The following MXRA7 variants were observed in gnomAD, a reference collection of about 807,000 sequenced individuals.
The protein encoded by MXRA7 is matrix-remodeling-associated protein 7.
MXRA7 carries 18 observed loss-of-function variants against 17.4 expected under a neutral mutation model. The observed-to-expected ratio is 1.03, with a 90% confidence interval of 0.71 to 1.53. The LOEUF (loss-of-function observed/expected upper bound fraction) is 1.53, where lower values mean the gene tolerates loss of function less well. Among genes scored for constraint, MXRA7 ranks in the 40% most tolerant of loss-of-function variants. The pLI is 0.00. For synonymous variants in MXRA7, 70 were observed against 101.7 expected (o/e 0.69, Z 1.87); for missense variants, 141 against 209.3 (o/e 0.67, Z 2.01).
intron 1 of MXRA7, chr17:76,709,775 G>C (rs903188844): frequency 6.6e-6 from 1 of 152,536 alleles, no homozygotes; most frequent in African/African-American, 2.4e-5. Context: ...GTAGGGGCTG[G>C]GATGAGTGGA....
downstream of MXRA7, chr17:76,675,425 T>G (rs1598327967): frequency 2.9e-5 from 4 of 138,068 alleles, no homozygotes; most frequent in Admixed American, 7.7e-5. Flanking sequence ...TGAGACAGAG[T>G]CTTGCTCTGT....
At chr17:76,704,728 T>C (rs771997486) in intron 1 of MXRA7, among the ~76,000 whole-genome samples, 1 of 139,576 alleles carries the variant, frequency 7.2e-6, no homozygotes, top group African/African-American at 2.7e-5. Flanking sequence ...GAGGTTGCAG[T>C]GAGCTGAGAT....
chr17:76,705,530 T>A (rs2076645822), intron 1 of MXRA7, among the ~76,000 whole-genome samples: 1 of 152,252 alleles, frequency 6.6e-6, no homozygotes, highest in South Asian at 2.1e-4. Context: ...TAAATATTTG[T>A]GTCCCCTGCA....
rs1360641507 is a variant in MXRA7 at position 76,706,337 on chromosome 17, C to T, written c.342+4268G>A. On this transcript the variant is annotated intron_variant, in intron 1 of 3. Transcript: ENST00000449428. ...CTGCCATCACAAAGGACCACGCTGC[C>T]ATCACAGAGGCCCACTCTGCCATCA... Among the ~76,000 whole-genome samples the T allele has an allele frequency of 8.3e-5, 7 of 84,166 alleles. 2 individuals carry two copies. Among genetic ancestry groups the T allele is most frequent in the Admixed American group, 1.3e-4 (1 of 7,956 alleles). 55.2% of individuals were successfully genotyped at this position (84,166 alleles called of 152,430 possible). A position where few individuals can be genotyped will look rare whatever the true frequency, so the allele number is the denominator to read the frequency against.
chr17:76,701,572 C>A (rs2076591414), intron 1 of MXRA7, among the ~76,000 whole-genome samples: 1 of 152,008 alleles, frequency 6.6e-6, no homozygotes, highest in Non-Finnish European at 1.5e-5. Context: ...CAAGGCAGGC[C>A]TGGTCCAGGA....
At chr17:76,709,098 C>T (rs111852092) in intron 1 of MXRA7, among the ~76,000 whole-genome samples, 55 of 152,120 alleles carry the variant, frequency 3.6e-4, no homozygotes, top group African/African-American at 1.3e-3. Context: ...AGCGCTGTGC[C>T]CCACAGGATT....
At chr17:76,706,226 CTCT>C in intron 1 of MXRA7, among the ~76,000 whole-genome samples, 1 of 113,968 alleles carries the variant, frequency 8.8e-6, no homozygotes, top group African/African-American at 3.1e-5. Context: ...CAAAGGCCCA[CTCT>C]GCCGTCACAG....
chr17:76,682,288 C>G (rs931179604), intron 3 of MXRA7, among the ~76,000 whole-genome samples: 1 of 152,090 alleles, frequency 6.6e-6, no homozygotes, highest in African/African-American at 2.4e-5. Flanking sequence ...AGTTAGGGGA[C>G]GTGCAGCTTG....
At chr17:76,677,481 T>C (rs944292118), downstream of MXRA7, 100 of 731,198 alleles carry the variant, frequency 1.4e-4, no homozygotes, top group Admixed American at 2.0e-3. Flanking sequence ...CCTGCATCTA[T>C]GTTTATAAGG....
intron 1 of MXRA7, among the ~76,000 whole-genome samples, chr17:76,691,576 C>T (rs1252656763): frequency 6.6e-6 from 1 of 152,066 alleles, no homozygotes; most frequent in East Asian, 1.9e-4. Context: ...TGATTCCAGG[C>T]AGTTAATGTC....
At position 76,690,987 on chromosome 17, in the gene MXRA7, G is replaced by A. The variant is rs368279035; in HGVS notation, c.343-2811C>T. On this transcript the variant is annotated intron_variant, in intron 1 of 3. Coordinates refer to ENST00000449428, the MANE Select transcript of MXRA7 (RefSeq NM_198530.4). Reference sequence around the variant, plus strand: ...TCCCTGGCACAGAGCTCCTAAGTCCGTTGGAATTTCCCGGGTGACAGGAGT... The same window carrying A: ...TCCCTGGCACAGAGCTCCTAAGTCCATTGGAATTTCCCGGGTGACAGGAGT... Among the ~76,000 whole-genome samples the A allele has an allele frequency of 3.6e-4, 55 of 152,278 alleles. No individual in the cohort carries two copies. The South Asian group carries it at 0.01, about 28-fold the overall frequency.
chr17:76,702,878 T>C (rs528628544), intron 1 of MXRA7, among the ~76,000 whole-genome samples: 13 of 149,348 alleles, frequency 8.7e-5, no homozygotes, highest in Non-Finnish European at 1.5e-4. Flanking sequence ...TATACGTATA[T>C]ATATATATAT....
intron 1 of MXRA7, chr17:76,688,854 C>T (rs2076443167): frequency 2.5e-6 from 1 of 400,056 alleles, no homozygotes; most frequent in South Asian, 1.4e-4. Flanking sequence ...ATGGGAGCCC[C>T]AGGAACTTCA....
rs2076438952 is a variant in MXRA7 at position 76,688,607 on chromosome 17, CTTCT to C, written c.343-435_343-432del. 2.4e-6 allele frequency: 3 copies of C among 1,250,772 alleles called. No homozygotes were observed. The African/African-American group carries it at 4.6e-5, about 19-fold the overall frequency. 77.5% of individuals were successfully genotyped at this position (1,250,772 alleles called of 1,614,324 possible). A position where few individuals can be genotyped will look rare whatever the true frequency, so the allele number is the denominator to read the frequency against. ...CCATCGCAGCCTCTGGCTTTGCTTC[CTTCT>C]ATGTTGTTTTCCATCCCCAACTCTC... On this transcript the variant is annotated intron_variant, in intron 1 of 3. Coordinates refer to ENST00000449428, the MANE Select transcript of MXRA7 (RefSeq NM_198530.4).
intron 1 of MXRA7, among the ~76,000 whole-genome samples, chr17:76,697,365 G>A (rs1164861137): frequency 6.6e-6 from 1 of 152,196 alleles, no homozygotes; most frequent in Non-Finnish European, 1.5e-5. Context: ...GCAGAACTCT[G>A]GGAAAAGAAA....
At chr17:76,697,034 C>T (rs1037301957) in intron 1 of MXRA7, among the ~76,000 whole-genome samples, 2 of 152,172 alleles carry the variant, frequency 1.3e-5, no homozygotes, top group Non-Finnish European at 2.9e-5. Context: ...TCAGGCTACT[C>T]GGCTCATGGG....
chr17:76,688,775 A>G, intron 1 of MXRA7: 1 of 908,224 alleles, frequency 1.1e-6, no homozygotes. Flanking sequence ...GCTTGCAGGA[A>G]TGTCAGAGGA....
intron 3 of MXRA7, 149 bp downstream of exon 3, chr17:76,684,923 G>A (rs2076366541): frequency 1.4e-6 from 1 of 701,930 alleles, no homozygotes; most frequent in African/African-American, 1.8e-5. Context: ...TCCTAAACTG[G>A]GAAGGTGGGG....
rs78773941 is a variant in MXRA7 at position 76,703,273 on chromosome 17, G to A, written c.342+7332C>T. ...AGGTTGGTCAGCGGGTTATAAATGTGCGCAAGGAGTTCTCACTTGAAAACA... is the reference window on the plus strand; with the variant it reads ...AGGTTGGTCAGCGGGTTATAAATGTACGCAAGGAGTTCTCACTTGAAAACA... On this transcript the variant is annotated intron_variant, in intron 1 of 3. Coordinates refer to ENST00000449428, the MANE Select transcript of MXRA7 (RefSeq NM_198530.4). 3.0e-4 allele frequency among the ~76,000 whole-genome samples: 46 copies of A among 152,242 alleles called. No individual in the cohort carries two copies. The East Asian group carries it at 7.1e-3, about 24-fold the overall frequency.
Sources: allele counts gnomAD v4.1 joint callset (sites outside exome capture counted in the v4.1 genomes callset), GRCh38; gene constraint gnomAD v4.1.1; transcripts MANE v1.5; gene names NCBI Gene and HGNC (gene_info 2026-07-23, HGNC 2026-07-21).